The following SEZ6L variants were observed in gnomAD, a reference collection of about 807,000 sequenced individuals.
SEZ6L encodes the protein seizure related 6 homolog like, also known as seizure 6-like protein.
A neutral mutation model predicts 106.2 loss-of-function variants in SEZ6L; 37 were observed. The ratio of observed to expected loss-of-function variants is 0.35; its 90% CI spans 0.27 to 0.46. SEZ6L has a LOEUF of 0.46. SEZ6L is among the 20% of genes least tolerant of loss of function. SEZ6L has a pLI of 1.00. For synonymous variants in SEZ6L, 541 were observed against 570.4 expected, an observed-to-expected ratio of 0.95 and a Z score of 0.73; for missense variants, 1,172 against 1,332.8, an observed-to-expected ratio of 0.88 and a Z score of 1.88.
chr22:26,193,747 A>G (rs1383542690), intron 1 of SEZ6L, among the ~76,000 whole-genome samples: 1 of 152,172 alleles, frequency 6.6e-6, no homozygotes, highest in East Asian at 1.9e-4. Flanking sequence ...ATGGCATTCA[A>G]TTCTGCTCAA....
At chr22:26,313,688 C>T in intron 8 of SEZ6L, 76 bp from the exon 9 acceptor site, 3 of 1,546,986 alleles carry the variant, frequency 1.9e-6, no homozygotes, top group Non-Finnish European at 2.7e-6. Context: ...ACTTCATAGC[C>T]CACATGGTTA....
At position 26,351,192 on chromosome 22, in the gene SEZ6L, A is replaced by G. The variant is rs1462638705; in HGVS notation, c.2548A>G (p.Ser850Gly). 2 of 1,614,186 alleles carry G rather than the reference A, an allele frequency of 1.2e-6. No homozygotes were observed. Among genetic ancestry groups the G allele is most frequent in the Admixed American group, 1.7e-5 (1 of 60,030 alleles). The change falls in exon 12 of 17, where the codon AGC (serine) becomes GGC (glycine). Residue 850 changes from serine (S) to glycine (G), a missense_variant. Coordinates refer to ENST00000248933, the MANE Select transcript of SEZ6L (RefSeq NM_021115.5). ...LEGSSLLTCY[S>G]RETGTPIWTS... ...AGGGAGTTCTCTTCTGACCTGCTAC[A>G]GCCGTGAAACAGGGACTCCCATCTG...
At chr22:26,346,855 G>A (rs530554694) in intron 10 of SEZ6L, among the ~76,000 whole-genome samples, 8 of 152,210 alleles carry the variant, frequency 5.3e-5, no homozygotes, top group Non-Finnish European at 1.0e-4. Flanking sequence ...GCCACCCAGG[G>A]CCACTTTTGC....
intron 1 of SEZ6L, among the ~76,000 whole-genome samples, chr22:26,256,777 T>C (rs567812582): frequency 5.9e-4 from 90 of 152,246 alleles, no homozygotes; most frequent in Non-Finnish European, 9.0e-4. Flanking sequence ...ACTCTGGGGG[T>C]AGGGCCTGGC....
At chr22:26,376,812 T>C (rs2084242136) in intron 15 of SEZ6L, among the ~76,000 whole-genome samples, 1 of 152,126 alleles carries the variant, frequency 6.6e-6, no homozygotes, top group African/African-American at 2.4e-5. Context: ...AAACAGCATG[T>C]GCAAAGGTCC....
intron 8 of SEZ6L, among the ~76,000 whole-genome samples, chr22:26,312,293 A>G (rs754759921): frequency 2.6e-5 from 4 of 152,234 alleles, no homozygotes; most frequent in Non-Finnish European, 5.9e-5. Flanking sequence ...CAATAACCTC[A>G]TTAATAAGAA....
At chr22:26,222,543 C>G in intron 1 of SEZ6L, among the ~76,000 whole-genome samples, 1 of 151,974 alleles carries the variant, frequency 6.6e-6, no homozygotes, top group East Asian at 1.9e-4. Flanking sequence ...TCTAGCAATC[C>G]TAAAGGCTAG....
chr22:26,369,557 G>C (rs1298807888), intron 13 of SEZ6L, among the ~76,000 whole-genome samples: 1 of 151,420 alleles, frequency 6.6e-6, no homozygotes, highest in African/African-American at 2.4e-5. Flanking sequence ...AGCCAGGATG[G>C]TCTCGATCTC....
intron 1 of SEZ6L, among the ~76,000 whole-genome samples, chr22:26,191,557 G>A (rs918429079): frequency 6.6e-6 from 1 of 150,570 alleles, no homozygotes; most frequent in South Asian, 2.2e-4. Flanking sequence ...GACACATGGT[G>A]GAGAACAAAA....
chr22:26,238,446 C>A (rs917916553), intron 1 of SEZ6L, among the ~76,000 whole-genome samples: 1 of 152,216 alleles, frequency 6.6e-6, no homozygotes, highest in Non-Finnish European at 1.5e-5. Flanking sequence ...ACTCCTTCAT[C>A]CACTTCAAAA....
intron 11 of SEZ6L, among the ~76,000 whole-genome samples, chr22:26,348,642 A>AAG (rs1462337764): frequency 6.7e-4 from 21 of 31,204 alleles, no homozygotes; most frequent in South Asian, 4.8e-3. Context: ...GAAAGAAAGA[A>AAG]AGAAAAAGAA....
intron 12 of SEZ6L, 24 bp downstream of exon 12, chr22:26,351,267 G>A (rs1290074285): frequency 6.2e-7 from 1 of 1,605,082 alleles, no homozygotes; most frequent in South Asian, 1.1e-5. Flanking sequence ...AATGAATTGG[G>A]CCCCCAGTAG....
At chr22:26,248,450 G>A (rs547573623) in intron 1 of SEZ6L, among the ~76,000 whole-genome samples, 50 of 152,238 alleles carry the variant, frequency 3.3e-4, no homozygotes, top group Non-Finnish European at 5.6e-4. Flanking sequence ...GAACTCCTGC[G>A]CTCAAGCAAT....
chr22:26,307,066 G>A (rs758699269), intron 6 of SEZ6L, among the ~76,000 whole-genome samples: 4 of 152,194 alleles, frequency 2.6e-5, no homozygotes, highest in African/African-American at 4.8e-5. Context: ...TGACTGCTGG[G>A]AAAACCGGGA....
chr22:26,213,946 A>G (rs751568408), intron 1 of SEZ6L, among the ~76,000 whole-genome samples: 1 of 152,200 alleles, frequency 6.6e-6, no homozygotes, highest in African/African-American at 2.4e-5. Flanking sequence ...AGAAAGAAAG[A>G]TCTTGAGCAA....
rs3222745 is a variant in SEZ6L at position 26,221,740 on chromosome 22, GCACACACA to G, written c.94+52003_94+52010del. Among the ~76,000 whole-genome samples the G allele has an allele frequency of 7.5e-3, 1,119 of 149,392 alleles. 17 individuals carry two copies. The highest frequency in any genetic ancestry group is 0.025 in the African/African-American group (1,033 of 40,634). On this transcript the variant is annotated intron_variant, in intron 1 of 16. Coordinates refer to ENST00000248933, the MANE Select transcript of SEZ6L (RefSeq NM_021115.5). ...TGAATTCATGCGCGTGCACACGCGT[GCACACACA>G]CACACACACACACACACACACACAC...
At chr22:26,217,039 G>A (rs1198187327) in intron 1 of SEZ6L, among the ~76,000 whole-genome samples, 1 of 152,176 alleles carries the variant, frequency 6.6e-6, no homozygotes, top group Non-Finnish European at 1.5e-5. Context: ...TTTGAACCCA[G>A]GACTTCTGAC....
chr22:26,305,389 GA>G (rs1203578626), intron 5 of SEZ6L, among the ~76,000 whole-genome samples: 1 of 152,254 alleles, frequency 6.6e-6, no homozygotes, highest in African/African-American at 2.4e-5. Flanking sequence ...TTGCCCTCCC[GA>G]AAGGTCATAA....
At chr22:26,356,795 AT>A (rs1263474347) in intron 12 of SEZ6L, among the ~76,000 whole-genome samples, 3 of 152,056 alleles carry the variant, frequency 2.0e-5, no homozygotes, top group Non-Finnish European at 2.9e-5. Context: ...CCTGTTCCAC[AT>A]TGATTTTGTC....
Sources: allele counts gnomAD v4.1 joint callset (sites outside exome capture counted in the v4.1 genomes callset), GRCh38; gene constraint gnomAD v4.1.1; transcripts MANE v1.5; gene names NCBI Gene and HGNC (gene_info 2026-07-23, HGNC 2026-07-21).